SOX6: variants seen among roughly 807,000 people sequenced by gnomAD.
SOX6 encodes SRY-box transcription factor 6.
SOX6 carries 11 observed loss-of-function variants against 97.8 expected under a neutral mutation model. That is an observed-to-expected ratio of 0.11 (90% CI 0.07 to 0.19). SOX6 has a LOEUF of 0.19. Ranked by LOEUF, SOX6 falls within the 10% of genes least tolerant of loss-of-function variation. The pLI, the probability that SOX6 is intolerant of heterozygous loss-of-function variation, is 1.00. For missense variants in SOX6, 810 were observed against 1,039.5 expected (o/e 0.78, Z 3.04); for synonymous variants, 360 against 371.4 (o/e 0.97, Z 0.35).
intron 4 of SOX6, among the ~76,000 whole-genome samples, chr11:16,587,616 A>C (rs1374779613): frequency 6.6e-6 from 1 of 152,260 alleles, no homozygotes; most frequent in Non-Finnish European, 1.5e-5. Flanking sequence ...CTGAAAAGAA[A>C]GTGAGAAAAT....
intron 13 of SOX6, among the ~76,000 whole-genome samples, chr11:16,012,159 T>C (rs1854751458): frequency 6.6e-6 from 1 of 152,080 alleles, no homozygotes; most frequent in African/African-American, 2.4e-5. Context: ...GTTATTCTGA[T>C]ACTTTAGTTT....
At chr11:16,134,993 AGCCAAT>A (rs1299214306) in intron 6 of SOX6, among the ~76,000 whole-genome samples, 1 of 152,210 alleles carries the variant, frequency 6.6e-6, no homozygotes, top group Non-Finnish European at 1.5e-5. Context: ...TTTAAGTTGA[AGCCAAT>A]GCTCATTTAC....
chr11:16,363,326 G>A (rs1437844718), intron 1 of SOX6, among the ~76,000 whole-genome samples: 2 of 152,220 alleles, frequency 1.3e-5, no homozygotes, highest in East Asian at 3.9e-4. Context: ...AAATGCTCCA[G>A]AATCTGAAAA....
intron 1 of SOX6, among the ~76,000 whole-genome samples, chr11:16,366,540 T>C (rs1041775094): frequency 6.6e-6 from 1 of 152,148 alleles, no homozygotes; most frequent in Non-Finnish European, 1.5e-5. Flanking sequence ...AAGCAAATTG[T>C]AGAACAAAGA....
intron 3 of SOX6, among the ~76,000 whole-genome samples, chr11:16,670,501 A>T (rs997368432): frequency 6.6e-6 from 1 of 152,130 alleles, no homozygotes; most frequent in African/African-American, 2.4e-5. Context: ...CCCTTGCTAC[A>T]CTTGGGCTTA....
chr11:16,427,247 G>T lies in SOX6; in HGVS notation c.-5+49068C>A, dbSNP rs1590199207. On this transcript the variant is annotated intron_variant, in intron 1 of 15. Coordinates refer to the SOX6 transcript ENST00000396356. ...ACATCCAACAAAGATCTAATATCCA[G>T]CATCCATAAGGAGCTTAAATTTACA... Among the ~76,000 whole-genome samples the T allele has an allele frequency of 2.6e-5, 4 of 151,034 alleles. No homozygotes were observed. The South Asian group carries it at 8.3e-4, about 31-fold the overall frequency.
chr11:16,674,067 G>T (rs951176232), intron 3 of SOX6, among the ~76,000 whole-genome samples: 11 of 151,326 alleles, frequency 7.3e-5, no homozygotes, highest in African/African-American at 2.7e-4. Flanking sequence ...GCGGGCGCCT[G>T]TAGTCCCAGC....
chr11:16,408,436 A>C (rs1858729365), intron 1 of SOX6, among the ~76,000 whole-genome samples: 1 of 152,136 alleles, frequency 6.6e-6, no homozygotes, highest in Non-Finnish European at 1.5e-5. Context: ...ATCATTTCAC[A>C]CATATATATT....
At chr11:16,326,401 A>G (rs1429852847) in intron 2 of SOX6, among the ~76,000 whole-genome samples, 1 of 152,120 alleles carries the variant, frequency 6.6e-6, no homozygotes, top group African/African-American at 2.4e-5. Flanking sequence ...AACAACACTC[A>G]GCAGGATTGT....
At chr11:16,618,569 T>C (rs917913212) in intron 3 of SOX6, among the ~76,000 whole-genome samples, 3 of 151,902 alleles carry the variant, frequency 2.0e-5, no homozygotes, top group Non-Finnish European at 2.9e-5. Flanking sequence ...CAAAGAAGCA[T>C]TTAAATTCCA....
At chr11:16,148,693 A>C (rs1230115668) in intron 6 of SOX6, among the ~76,000 whole-genome samples, 1 of 152,064 alleles carries the variant, frequency 6.6e-6, no homozygotes, top group Admixed American at 6.6e-5. Flanking sequence ...CACGCACACT[A>C]AAAAATATTA....
intron 12 of SOX6, among the ~76,000 whole-genome samples, chr11:16,024,458 C>T (rs1855160818): frequency 6.6e-6 from 1 of 150,610 alleles, no homozygotes; most frequent in African/African-American, 2.4e-5. Context: ...TATCTAGAAA[C>T]TTTTTTCTTT....
chr11:15,999,692 G>T (rs1854341566), intron 13 of SOX6, among the ~76,000 whole-genome samples: 1 of 152,016 alleles, frequency 6.6e-6, no homozygotes, highest in Non-Finnish European at 1.5e-5. Context: ...TTACTAAAAT[G>T]AATTATTAAG....
chr11:16,136,512 T>C (rs185672362), intron 6 of SOX6, among the ~76,000 whole-genome samples: 67 of 152,242 alleles, frequency 4.4e-4, no homozygotes, highest in African/African-American at 1.6e-3. Context: ...GGTATCTTCA[T>C]GTCTCAACCT....
At chr11:16,419,413 G>A (rs1036504444) in intron 1 of SOX6, among the ~76,000 whole-genome samples, 1 of 151,732 alleles carries the variant, frequency 6.6e-6, no homozygotes, top group Non-Finnish European at 1.5e-5. Flanking sequence ...CTCCTTTAGG[G>A]CAGTATTTTA....
At chr11:16,555,483 G>A (rs901120309) in intron 4 of SOX6, among the ~76,000 whole-genome samples, 9 of 151,514 alleles carry the variant, frequency 5.9e-5, no homozygotes, top group Non-Finnish European at 1.2e-4. Context: ...GGGGGTACAT[G>A]TGATATTTTG....
chr11:16,408,204 A>G (rs1158304496), intron 1 of SOX6, among the ~76,000 whole-genome samples: 1 of 152,188 alleles, frequency 6.6e-6, no homozygotes, highest in African/African-American at 2.4e-5. Context: ...CTAAACAAAC[A>G]CTAAGTCCAT....
intron 1 of SOX6, among the ~76,000 whole-genome samples, chr11:16,389,969 TAAA>T (rs536056301): frequency 9.1e-4 from 38 of 41,848 alleles, no homozygotes; most frequent in South Asian, 5.7e-3. Context: ...GACTCCGTCT[TAAA>T]AAAAAAAAAA....
upstream of SOX6, among the ~76,000 whole-genome samples, chr11:16,479,031 C>T (rs1004441036): frequency 5.3e-5 from 8 of 152,076 alleles, no homozygotes; most frequent in East Asian, 1.5e-3. Flanking sequence ...TCACACTGGA[C>T]AGTAAGAACA....
Sources: allele counts gnomAD v4.1 joint callset (sites outside exome capture counted in the v4.1 genomes callset), GRCh38; gene constraint gnomAD v4.1.1; transcripts MANE v1.5; gene names NCBI Gene and HGNC (gene_info 2026-07-23, HGNC 2026-07-21).